The following MAPKAP1 variants were observed in gnomAD, a reference collection of about 807,000 sequenced individuals.
MAPKAP1 encodes MAPK associated protein 1, also known as target of rapamycin complex 2 subunit MAPKAP1.
In MAPKAP1, 20 loss-of-function variants were observed where a neutral mutation model predicts 65.7. That is an observed-to-expected ratio of 0.30 (90% CI 0.21 to 0.44). MAPKAP1 has a LOEUF of 0.44. Ranked by LOEUF, MAPKAP1 falls within the 20% of genes least tolerant of loss-of-function variation. The probability of loss-of-function intolerance (pLI) is 1.00; values close to 1 mark genes in which losing one functional copy is unlikely to be tolerated. For synonymous variants in MAPKAP1, 222 were observed against 244.3 expected (o/e 0.91, Z 0.85); for missense variants, 423 against 648.0 (o/e 0.65, Z 3.77).
In MAPKAP1 at chr9:125,622,804, TCTCCC is replaced by T. The variant is rs1402747761; in HGVS notation, c.498+34842_498+34846del. Among the ~76,000 whole-genome samples, 625 of 150,420 alleles carry T rather than the reference TCTCCC, an allele frequency of 4.2e-3. 6 individuals are homozygous for T. Among genetic ancestry groups the T allele is most frequent in the African/African-American group, 0.014 (589 of 40,876 alleles). The stretch of plus-strand genomic sequence containing the variant: ...AAAAAGCAAGGGAGAGGCTCTCCCC[TCTCCC>T]CTCTCCCCTCTCCCCTCTCCGTCTC... On this transcript the variant is annotated intron_variant, in intron 4 of 11. Coordinates refer to ENST00000265960, the MANE Select transcript of MAPKAP1 (RefSeq NM_001006617.3).
intron 10 of MAPKAP1, among the ~76,000 whole-genome samples, chr9:125,446,433 T>C (rs916678851): frequency 6.6e-5 from 10 of 152,210 alleles, no homozygotes; most frequent in Non-Finnish European, 1.0e-4. Context: ...TCTGTGTTTC[T>C]AATAAGGAGG....
At chr9:125,546,357 AC>A (rs1830424574) in intron 6 of MAPKAP1, among the ~76,000 whole-genome samples, 2 of 152,166 alleles carry the variant, frequency 1.3e-5, no homozygotes, top group South Asian at 2.1e-4. Flanking sequence ...ACGAATGCCA[AC>A]TTTGGATCTT....
chr9:125,490,721 C>G (rs188151423), intron 8 of MAPKAP1, among the ~76,000 whole-genome samples: 121 of 152,294 alleles, frequency 7.9e-4, no homozygotes, highest in Non-Finnish European at 1.5e-3. Flanking sequence ...CATACTTTAA[C>G]CAAAGCAATG....
chr9:125,597,546 G>A (rs954661976), intron 4 of MAPKAP1, among the ~76,000 whole-genome samples: 8 of 152,202 alleles, frequency 5.3e-5, no homozygotes, highest in African/African-American at 1.9e-4. Context: ...AGGTTTCCCA[G>A]TAATAAATTG....
chr9:125,691,378 T>C (rs1051527148), intron 1 of MAPKAP1, among the ~76,000 whole-genome samples: 11 of 152,150 alleles, frequency 7.2e-5, no homozygotes, highest in African/African-American at 2.7e-4. Flanking sequence ...AATAAAACCA[T>C]AAACTCAAAA....
At chr9:125,491,928 C>T (rs912070675) in intron 8 of MAPKAP1, among the ~76,000 whole-genome samples, 4 of 151,738 alleles carry the variant, frequency 2.6e-5, no homozygotes, top group Non-Finnish European at 4.4e-5. Flanking sequence ...CAGTGCCTCA[C>T]ACCTGTAATA....
intron 4 of MAPKAP1, chr9:125,596,001 A>G: frequency 5.3e-6 from 8 of 1,521,788 alleles, no homozygotes; most frequent in Non-Finnish European, 7.2e-6. Context: ...TGGTGGCATT[A>G]AAGAAGACAC....
intron 9 of MAPKAP1, among the ~76,000 whole-genome samples, chr9:125,482,962 T>G (rs746945538): frequency 3.3e-5 from 5 of 152,126 alleles, no homozygotes; most frequent in Non-Finnish European, 7.4e-5. Flanking sequence ...ATTATCTTTG[T>G]TTTTACAGAT....
chr9:125,552,642 C>T (rs1830616676), intron 6 of MAPKAP1, among the ~76,000 whole-genome samples: 1 of 152,116 alleles, frequency 6.6e-6, no homozygotes, highest in Non-Finnish European at 1.5e-5. Flanking sequence ...GAATCCCTGA[C>T]AGAAATAACA....
At chr9:125,519,079 T>G (rs890882415) in intron 7 of MAPKAP1, among the ~76,000 whole-genome samples, 2 of 152,134 alleles carry the variant, frequency 1.3e-5, no homozygotes, top group Non-Finnish European at 2.9e-5. Flanking sequence ...TAGACCAGAC[T>G]AGGGAAGACT....
intron 4 of MAPKAP1, among the ~76,000 whole-genome samples, chr9:125,610,098 A>C (rs146982007): frequency 5.6e-4 from 86 of 152,332 alleles, no homozygotes; most frequent in East Asian, 5.8e-4. Flanking sequence ...TTTTGGAGGG[A>C]AAGTTCTTAT....
At chr9:125,478,772 A>G (rs897511700) in intron 9 of MAPKAP1, among the ~76,000 whole-genome samples, 4 of 152,170 alleles carry the variant, frequency 2.6e-5, no homozygotes, top group African/African-American at 9.7e-5. Context: ...AGTTGGTACT[A>G]ACAGCTAGGT....
intron 1 of MAPKAP1, among the ~76,000 whole-genome samples, chr9:125,695,903 T>C (rs1213730154): frequency 6.6e-6 from 1 of 152,098 alleles, no homozygotes; most frequent in Admixed American, 6.5e-5. Flanking sequence ...TAATTTTGTA[T>C]TTTTAGTAGA....
intron 1 of MAPKAP1, among the ~76,000 whole-genome samples, chr9:125,674,696 A>G (rs1173870926): frequency 2.0e-5 from 3 of 152,204 alleles, no homozygotes; most frequent in Admixed American, 2.0e-4. Context: ...ACTGAGATTA[A>G]AAAGAAATTT....
At chr9:125,519,410 G>C (rs534025134) in intron 7 of MAPKAP1, among the ~76,000 whole-genome samples, 1 of 152,156 alleles carries the variant, frequency 6.6e-6, no homozygotes, top group Admixed American at 6.5e-5. Context: ...TCAAGGTGGG[G>C]AGGATCGCTT....
intron 1 of MAPKAP1, among the ~76,000 whole-genome samples, chr9:125,697,894 A>G (rs1415472201): frequency 7.2e-6 from 1 of 139,528 alleles, no homozygotes; most frequent in African/African-American, 3.3e-5. Context: ...TAAGCTTCAT[A>G]TCATAACACT....
chr9:125,594,094 C>T (rs1832053139), intron 4 of MAPKAP1, among the ~76,000 whole-genome samples: 1 of 152,228 alleles, frequency 6.6e-6, no homozygotes, highest in Non-Finnish European at 1.5e-5. Context: ...CCTTCCCATG[C>T]TTATTGCCAA....
chr9:125,508,978 A>G lies in MAPKAP1; in HGVS notation c.959-2561T>C, dbSNP rs143206995. 7.4e-4 allele frequency among the ~76,000 whole-genome samples: 112 copies of G among 152,326 alleles called. 2 individuals are homozygous for G. Among genetic ancestry groups the G allele is most frequent in the African/African-American group, 2.1e-3 (87 of 41,582 alleles). On this transcript the variant is annotated intron_variant, in intron 7 of 11. Coordinates refer to ENST00000265960, the MANE Select transcript of MAPKAP1 (RefSeq NM_001006617.3). ...TAATTTTATAAAACATGTTTATAATATGCTACTTTATGAAAGCAGCAAATT... is the reference window on the plus strand; with the variant it reads ...TAATTTTATAAAACATGTTTATAATGTGCTACTTTATGAAAGCAGCAAATT...
Position 125,626,551 on chromosome 9 carries a change from C to T in MAPKAP1, c.498+31100G>A, listed in dbSNP as rs188096350. ...GATTAAAAACACAATTCCATCACCA[C>T]ACTGGCCACATTTCAAGTACTCAAC... On this transcript the variant is annotated intron_variant, in intron 4 of 11. Transcript: ENST00000265960. Among the ~76,000 whole-genome samples, 600 of 152,344 alleles carry T rather than the reference C, an allele frequency of 3.9e-3. 7 individuals are homozygous for T. Among genetic ancestry groups the T allele is most frequent in the African/African-American group, 0.014 (581 of 41,576 alleles).
Sources: allele counts gnomAD v4.1 joint callset (sites outside exome capture counted in the v4.1 genomes callset), GRCh38; gene constraint gnomAD v4.1.1; transcripts MANE v1.5; gene names NCBI Gene and HGNC (gene_info 2026-07-23, HGNC 2026-07-21).